Variants in TC2N observed in about 807,000 individuals in gnomAD.
The protein encoded by TC2N is tandem C2 domains, nuclear, also known as tandem C2 domains nuclear protein.
In TC2N, 51 loss-of-function variants were observed where a neutral mutation model predicts 61.9. That is an observed-to-expected ratio of 0.82 (90% confidence interval 0.66 to 1.04). The LOEUF (loss-of-function observed/expected upper bound fraction) is 1.04. TC2N is among the 50% of genes least tolerant of loss of function. The pLI is 0.00. For synonymous variants in TC2N, 204 were observed against 192.6 expected (o/e 1.06, Z -0.49); for missense variants, 556 against 566.7 (o/e 0.98, Z 0.19).
At chr14:91,821,020 T>C (rs556522872) in intron 1 of TC2N, among the ~76,000 whole-genome samples, 5 of 152,116 alleles carry the variant, frequency 3.3e-5, no homozygotes, top group Admixed American at 6.5e-5. Context: ...AAAATGGTAA[T>C]ATTATTAATA....
intron 1 of TC2N, among the ~76,000 whole-genome samples, chr14:91,849,126 G>C (rs1888324428): frequency 6.6e-6 from 1 of 152,134 alleles, no homozygotes; most frequent in Non-Finnish European, 1.5e-5. Context: ...TTAAGTGTAG[G>C]AGACTCAGAG....
chr14:91,823,779 T>C lies in TC2N; in HGVS notation c.-56-9954A>G, dbSNP rs572683516. Among the ~76,000 whole-genome samples the C allele has an allele frequency of 8.5e-5, 13 of 152,232 alleles. No individual in the cohort carries two copies. The South Asian group carries it at 2.5e-3, about 29-fold the overall frequency. The stretch of plus-strand genomic sequence containing the variant: ...AGCAACAAGGAGAAACAAATATAAA[T>C]GGTTAAAAGTATACTGCCTATGTTC... On this transcript the variant is annotated intron_variant, in intron 1 of 11. Transcript: ENST00000435962.
chr14:91,807,270 AC>A (rs1163730286), intron 3 of TC2N, among the ~76,000 whole-genome samples: 3 of 152,220 alleles, frequency 2.0e-5, no homozygotes, highest in Non-Finnish European at 4.4e-5. Context: ...CCACTGGGGC[AC>A]TGCCTAGTAG....
intron 4 of TC2N, among the ~76,000 whole-genome samples, chr14:91,801,238 TTCA>T (rs1886234670): frequency 6.6e-6 from 1 of 152,066 alleles, no homozygotes; most frequent in Non-Finnish European, 1.5e-5. Flanking sequence ...AGTTTCTAAA[TTCA>T]TCATTTTCAC....
At position 91,792,557 on chromosome 14, in the gene TC2N, G is replaced by A; in HGVS notation, c.857C>T (p.Ala286Val). ...FKSSAKEGSN[A>V]IEFMETFVFA... ...TACAAACGTTTCCATAAATTCAATAGCCTTAAAAAAAAAACAAGAAAACAT... is the reference window on the plus strand; with the variant it reads ...TACAAACGTTTCCATAAATTCAATAACCTTAAAAAAAAAACAAGAAAACAT... The change falls in exon 9 of 12, where the codon GCT (alanine) becomes GTT (valine). Residue 286 changes from alanine to valine, a missense_variant and splice_region_variant. By Grantham distance (64) the Ala-to-Val change is moderately conservative (BLOSUM62 0). Coordinates refer to ENST00000435962, the MANE Select transcript of TC2N (RefSeq NM_001128596.3). 2.1e-6 allele frequency: 3 copies of A among 1,459,824 alleles called. No homozygotes were observed. The highest frequency in any genetic ancestry group is 2.8e-6 in the Non-Finnish European group (3 of 1,081,018). The allele number at this position is 1,459,824 out of a possible 1,614,324, so 90.4% of individuals were successfully genotyped here. A position where few individuals can be genotyped will look rare whatever the true frequency, so the allele number is the denominator to read the frequency against.
At position 91,825,215 on chromosome 14, in the gene TC2N, G is replaced by A. The variant is rs529039415; in HGVS notation, c.-56-11390C>T. On this transcript the variant is annotated intron_variant, in intron 1 of 11. Coordinates refer to ENST00000435962, the MANE Select transcript of TC2N (RefSeq NM_001128596.3). ...TGCCCGGCTAATTTTTGTATTTTTA[G>A]TAGAGACGGGGTTTCACCATCTTGG... Among the ~76,000 whole-genome samples, 4 of 151,706 alleles carry A rather than the reference G, an allele frequency of 2.6e-5. No homozygotes were observed. The South Asian group carries it at 8.4e-4, about 32-fold the overall frequency.
At chr14:91,796,904 C>T (rs1412395384) in intron 8 of TC2N, among the ~76,000 whole-genome samples, 1 of 152,088 alleles carries the variant, frequency 6.6e-6, no homozygotes, top group East Asian at 1.9e-4. Context: ...AACCATTCCT[C>T]TGTATGACAC....
intron 1 of TC2N, among the ~76,000 whole-genome samples, chr14:91,828,363 T>C (rs10140190): frequency 0.47 from 70,919 of 151,900 alleles, 17,804 homozygotes; most frequent in Non-Finnish European, 0.55. Context: ...GATATAATTT[T>C]ATCTGTAAAT....
At chr14:91,849,603 A>T (rs1049549817) in intron 1 of TC2N, among the ~76,000 whole-genome samples, 4 of 152,234 alleles carry the variant, frequency 2.6e-5, no homozygotes, top group African/African-American at 9.6e-5. Flanking sequence ...TGTCACTTAA[A>T]CACAAGAGAT....
chr14:91,798,215 C>T, intron 7 of TC2N, 84 bp downstream of exon 7: 2 of 703,822 alleles, frequency 2.8e-6, no homozygotes, highest in Non-Finnish European at 2.3e-6. Flanking sequence ...TGGCCCATTC[C>T]CCAGAAAAGG....
intron 1 of TC2N, among the ~76,000 whole-genome samples, chr14:91,816,709 A>C (rs1887017623): frequency 6.6e-6 from 1 of 151,880 alleles, no homozygotes; most frequent in Non-Finnish European, 1.5e-5. Context: ...CAGTATGAGA[A>C]ATGGATTCAA....
At chr14:91,865,735 A>C (rs1888687034) in intron 1 of TC2N, among the ~76,000 whole-genome samples, 2 of 152,218 alleles carry the variant, frequency 1.3e-5, no homozygotes, top group South Asian at 4.1e-4. Flanking sequence ...AATTTTCATA[A>C]GAATTTTTCT....
intron 1 of TC2N, among the ~76,000 whole-genome samples, chr14:91,859,832 A>G (rs1888555853): frequency 6.6e-6 from 1 of 152,226 alleles, no homozygotes; most frequent in Non-Finnish European, 1.5e-5. Context: ...AAGAGCTCAG[A>G]CAGGAGCAGC....
chr14:91,825,716 T>G (rs936765485), intron 1 of TC2N, among the ~76,000 whole-genome samples: 2 of 152,216 alleles, frequency 1.3e-5, no homozygotes, highest in African/African-American at 4.8e-5. Context: ...TGAGAAAGAT[T>G]TGTCTGTATT....
At chr14:91,804,155 C>G (rs948951038) in intron 3 of TC2N, among the ~76,000 whole-genome samples, 1 of 152,146 alleles carries the variant, frequency 6.6e-6, no homozygotes, top group African/African-American at 2.4e-5. Context: ...TACACACTCA[C>G]CAGAATGGTT....
intron 3 of TC2N, among the ~76,000 whole-genome samples, chr14:91,809,660 A>T (rs2139858658): frequency 6.6e-6 from 1 of 152,318 alleles, no homozygotes; most frequent in Admixed American, 6.5e-5. Flanking sequence ...GGCAACACGC[A>T]GGGTATATAA....
chr14:91,840,256 T>G (rs1888139782), intron 1 of TC2N, among the ~76,000 whole-genome samples: 2 of 152,186 alleles, frequency 1.3e-5, no homozygotes, highest in East Asian at 1.9e-4. Flanking sequence ...ATATTTGGGG[T>G]TTTTTTCTAA....
At chr14:91,791,924 G>A (rs1885676463) in intron 9 of TC2N, among the ~76,000 whole-genome samples, 1 of 152,036 alleles carries the variant, frequency 6.6e-6, no homozygotes, top group African/African-American at 2.4e-5. Context: ...AGACCATCCT[G>A]GCTAACACAG....
At chr14:91,801,009 T>C (rs1381279523) in intron 4 of TC2N, among the ~76,000 whole-genome samples, 6 of 151,094 alleles carry the variant, frequency 4.0e-5, no homozygotes, top group Middle Eastern at 3.2e-3. Flanking sequence ...TATGTATACA[T>C]ATATACATAT....
Sources: allele counts gnomAD v4.1 joint callset (sites outside exome capture counted in the v4.1 genomes callset), GRCh38; gene constraint gnomAD v4.1.1; transcripts MANE v1.5; gene names NCBI Gene and HGNC (gene_info 2026-07-23, HGNC 2026-07-21).